The following ZNF385B variants were observed in gnomAD, a reference collection of about 807,000 sequenced individuals.
The protein encoded by ZNF385B is zinc finger protein 385B, also known as zinc finger protein 533.
Under a neutral mutation model 39.2 loss-of-function variants are expected in ZNF385B, and 23 were observed. The ratio of observed to expected loss-of-function variants is 0.59; its 90% CI spans 0.42 to 0.83. The LOEUF (loss-of-function observed/expected upper bound fraction) is 0.83, where lower values mean the gene tolerates loss of function less well. Among genes scored for constraint, ZNF385B ranks in the 40% least tolerant of loss-of-function variants. The pLI, the probability that ZNF385B is intolerant of heterozygous loss-of-function variation, is 0.00. For synonymous variants in ZNF385B, 205 were observed against 222.6 expected (o/e 0.92, Z 0.70); for missense variants, 552 against 598.9 (o/e 0.92, Z 0.82).
intron 3 of ZNF385B, among the ~76,000 whole-genome samples, chr2:179,588,744 C>A (rs1687310447): frequency 6.6e-6 from 1 of 152,184 alleles, no homozygotes; most frequent in Non-Finnish European, 1.5e-5. Context: ...TCTTTTCCAT[C>A]TTCAAATGTT....
At chr2:179,795,546 C>T (rs1312603862) in intron 1 of ZNF385B, among the ~76,000 whole-genome samples, 1 of 152,080 alleles carries the variant, frequency 6.6e-6, no homozygotes, top group Non-Finnish European at 1.5e-5. Context: ...ATAGCCATAG[C>T]TTCTCCCTCA....
rs1237413664 is a variant in ZNF385B, at chr2:179,443,354, A to T, written c.1357T>A (p.Ser453Thr). The change falls in exon 10 of 10, where the codon TCT becomes ACT. Residue 453 changes from serine to threonine, a missense_variant. By Grantham distance (58) the Ser-to-Thr change is moderately conservative. Coordinates refer to ENST00000410066, the MANE Select transcript of ZNF385B (RefSeq NM_152520.6). Reference sequence around the variant, plus strand: ...GCTGGAGCCTGGAAGAGCGAGGCAGAGGGCCGGGGTGGGAGTGACAGCGCT... The same window carrying T: ...GCTGGAGCCTGGAAGAGCGAGGCAGTGGGCCGGGGTGGGAGTGACAGCGCT... Reference protein sequence around the residue: ...SSALSLPPRPSASLFQAPAIP... With the variant: ...SSALSLPPRPTASLFQAPAIP... 1 of 1,612,424 alleles carries T rather than the reference A, an allele frequency of 6.2e-7. No individual in the cohort carries two copies. Among genetic ancestry groups the T allele is most frequent in the South Asian group, 1.1e-5 (1 of 90,946 alleles).
chr2:179,532,157 G>A (rs1389877560), intron 4 of ZNF385B, among the ~76,000 whole-genome samples: 1 of 152,132 alleles, frequency 6.6e-6, no homozygotes, highest in African/African-American at 2.4e-5. Flanking sequence ...AGGAGGCTAT[G>A]GTTCAAACCA....
intron 5 of ZNF385B, among the ~76,000 whole-genome samples, chr2:179,517,232 C>A (rs1446738816): frequency 6.6e-6 from 1 of 151,752 alleles, no homozygotes. Context: ...TAGGGCTTTT[C>A]TTTTCTATGT....
chr2:179,457,687 G>A (rs113127215), intron 6 of ZNF385B, among the ~76,000 whole-genome samples: 187 of 151,658 alleles, frequency 1.2e-3, no homozygotes, highest in East Asian at 8.9e-3. Flanking sequence ...TTTTGTGAGC[G>A]TTTGTTCATA....
intron 3 of ZNF385B, among the ~76,000 whole-genome samples, chr2:179,702,560 T>C (rs988393423): frequency 6.6e-6 from 1 of 152,212 alleles, no homozygotes; most frequent in Admixed American, 6.5e-5. Context: ...CAAGACATTT[T>C]ATGACAAATA....
chr2:179,860,869 G>A (rs1021723624), intron 1 of ZNF385B: 1 of 328,816 alleles, frequency 3.0e-6, no homozygotes, highest in Non-Finnish European at 6.5e-6. Context: ...CCTAACTCCA[G>A]GGACTCGCAG....
At chr2:179,744,503 G>A (rs1465301478) in intron 3 of ZNF385B, among the ~76,000 whole-genome samples, 1 of 152,038 alleles carries the variant, frequency 6.6e-6, no homozygotes, top group Non-Finnish European at 1.5e-5. Flanking sequence ...GCAAGATAGT[G>A]GCCCTGGGAC....
intron 9 of ZNF385B, 110 bp downstream of exon 9, chr2:179,444,766 A>T: frequency 2.2e-6 from 2 of 922,486 alleles, no homozygotes; most frequent in Non-Finnish European, 3.5e-6. Flanking sequence ...AGGGCTATTT[A>T]AATTTGAAAC....
At chr2:179,609,427 C>T (rs995191836) in intron 3 of ZNF385B, among the ~76,000 whole-genome samples, 1 of 152,164 alleles carries the variant, frequency 6.6e-6, no homozygotes, top group Non-Finnish European at 1.5e-5. Flanking sequence ...CTGATTAGTA[C>T]TCCATTGTGC....
Position 179,733,643 on chromosome 2 carries a change from C to T in ZNF385B, c.298+35860G>A, listed in dbSNP as rs918411011. Among the ~76,000 whole-genome samples the T allele has an allele frequency of 3.3e-5, 5 of 151,996 alleles. No individual in the cohort carries two copies. The East Asian group carries it at 9.6e-4, about 29-fold the overall frequency. On this transcript the variant is annotated intron_variant, in intron 3 of 9. Transcript: ENST00000410066. ...TAAAAATACAAAACAATTAGCCGGGCGCGGTGGCGGGTGCCTGTAGTCCCA... is the reference window on the plus strand; with the variant it reads ...TAAAAATACAAAACAATTAGCCGGGTGCGGTGGCGGGTGCCTGTAGTCCCA...
intron 1 of ZNF385B, among the ~76,000 whole-genome samples, chr2:179,785,123 A>C (rs1439471338): frequency 6.6e-6 from 1 of 152,142 alleles, no homozygotes; most frequent in East Asian, 1.9e-4. Context: ...TTTACAAATT[A>C]TACAATTTCA....
intron 3 of ZNF385B, among the ~76,000 whole-genome samples, chr2:179,689,818 TG>T (rs1422819752): frequency 3.7e-5 from 3 of 80,706 alleles, no homozygotes; most frequent in African/African-American, 1.6e-4. Context: ...TGTGTGTGTG[TG>T]TGTGTGTTTA....
intron 5 of ZNF385B, among the ~76,000 whole-genome samples, chr2:179,499,533 G>A (rs894033802): frequency 4.6e-5 from 7 of 151,862 alleles, no homozygotes; most frequent in African/African-American, 1.7e-4. Flanking sequence ...ACAAGATGAA[G>A]GATTAGAACT....
intron 1 of ZNF385B, among the ~76,000 whole-genome samples, chr2:179,777,867 G>C (rs1704429288): frequency 6.6e-6 from 1 of 151,488 alleles, no homozygotes; most frequent in African/African-American, 2.4e-5. Flanking sequence ...CTGCCTCCTG[G>C]GTTCAAGCAA....
chr2:179,780,687 T>C (rs1704614561), intron 1 of ZNF385B, among the ~76,000 whole-genome samples: 1 of 152,186 alleles, frequency 6.6e-6, no homozygotes, highest in Non-Finnish European at 1.5e-5. Flanking sequence ...AACATCACAA[T>C]AGGGTATTCT....
intron 1 of ZNF385B, among the ~76,000 whole-genome samples, chr2:179,829,164 A>C (rs1383549640): frequency 6.6e-6 from 1 of 152,204 alleles, no homozygotes; most frequent in East Asian, 1.9e-4. Context: ...ACAGTAAAAG[A>C]CCAAATGTCA....
intron 3 of ZNF385B, among the ~76,000 whole-genome samples, chr2:179,751,313 A>G (rs1219900491): frequency 1.3e-5 from 2 of 152,198 alleles, no homozygotes; most frequent in East Asian, 3.9e-4. Flanking sequence ...CATTAATAAT[A>G]AGTTCCATCA....
chr2:179,563,599 A>C (rs911285684), intron 3 of ZNF385B, among the ~76,000 whole-genome samples: 4 of 152,214 alleles, frequency 2.6e-5, no homozygotes, highest in African/African-American at 9.6e-5. Flanking sequence ...TAGATGCAGC[A>C]AAGAAAATGG....
Sources: gnomAD v4.1 joint callset for allele counts (sites outside exome capture counted in the v4.1 genomes callset) on GRCh38, gnomAD v4.1.1 for gene constraint, MANE v1.5 for transcripts, NCBI Gene and HGNC (gene_info 2026-07-23, HGNC 2026-07-21) for gene names.